Variants in PSMF1 observed in about 807,000 individuals in gnomAD.
The protein encoded by PSMF1 is proteasome inhibitor PI31 subunit.
A neutral mutation model predicts 29.3 loss-of-function variants in PSMF1; 30 were observed. That is an observed-to-expected ratio of 1.02 (90% confidence interval 0.77 to 1.39). The LOEUF (loss-of-function observed/expected upper bound fraction) is 1.39, where lower values mean the gene tolerates loss of function less well. Ranked by LOEUF, PSMF1 falls within the 40% of genes most tolerant of loss-of-function variation. The pLI, the probability that PSMF1 is intolerant of heterozygous loss-of-function variation, is 0.00. For synonymous variants in PSMF1, 134 were observed against 139.7 expected (o/e 0.96, Z 0.29); for missense variants, 344 against 357.5 (o/e 0.96, Z 0.31).
chr20:1,161,025 G>A, intron 4 of PSMF1: 1 of 391,146 alleles, frequency 2.6e-6, no homozygotes, highest in Non-Finnish European at 5.0e-6. Context: ...CGCACCACTG[G>A]CATTGTCATG....
At chr20:1,116,846 C>A (rs1016153420), upstream of PSMF1, among the ~76,000 whole-genome samples, 1 of 151,298 alleles carries the variant, frequency 6.6e-6, no homozygotes, top group Non-Finnish European at 1.5e-5. Flanking sequence ...TCTGGGAAGC[C>A]CTCTGTTGAG....
At position 1,127,450 on chromosome 20, in the gene PSMF1, G is replaced by C. The variant is rs1469226184; in HGVS notation, c.307G>C (p.Asp103His). ...VLEYGSQQVADLTLNLDDYID... is the reference protein window; with the variant it reads ...VLEYGSQQVAHLTLNLDDYID... ...GGAATATGGCTCACAGCAAGTGGCAGACTTGACCCTGAACTTGGATGATTA... is the reference window on the plus strand; with the variant it reads ...GGAATATGGCTCACAGCAAGTGGCACACTTGACCCTGAACTTGGATGATTA... The change falls in exon 3 of 7, where the codon GAC (aspartate) becomes CAC (histidine). Residue 103 changes from aspartate to histidine, a missense_variant. By Grantham distance (81) the Asp-to-His change is moderately conservative. Coordinates refer to ENST00000335877, the MANE Select transcript of PSMF1 (RefSeq NM_006814.5). 8 of 1,608,054 alleles carry C rather than the reference G, an allele frequency of 5.0e-6. No homozygotes were observed. The highest frequency in any genetic ancestry group is 2.2e-5 in the South Asian group (2 of 90,962).
chr20:1,132,702 A>G lies in PSMF1; in HGVS notation c.366-2419A>G, dbSNP rs368934770. 1.1e-3 allele frequency among the ~76,000 whole-genome samples: 174 copies of G among 152,298 alleles called. 1 individual carries two copies. The highest frequency in any genetic ancestry group is 1.5e-3 in the Non-Finnish European group (101 of 68,026). Reference sequence around the variant, plus strand: ...GGGAGAATTGACATTCTTGCTATGAACATGATATATCTTATCTCTCCATTT... The same window carrying G: ...GGGAGAATTGACATTCTTGCTATGAGCATGATATATCTTATCTCTCCATTT... On this transcript the variant is annotated intron_variant, in intron 3 of 6. Transcript: ENST00000335877.
chr20:1,137,164 ACCTGG>A (rs2086317559), intron 4 of PSMF1, among the ~76,000 whole-genome samples: 1 of 152,210 alleles, frequency 6.6e-6, no homozygotes, highest in Non-Finnish European at 1.5e-5. Context: ...GCACTATGGC[ACCTGG>A]AGGCTATGCT....
chr20:1,150,262 A>G lies in PSMF1; in HGVS notation c.552-12868A>G, dbSNP rs76184961. Among the ~76,000 whole-genome samples, 460 of 152,204 alleles carry G rather than the reference A, an allele frequency of 3.0e-3. 1 individual carries two copies. The highest frequency in any genetic ancestry group is 0.011 in the African/African-American group (442 of 41,520). ...AGACATATTCAAAGATTGAAATTTT[A>G]CAAAACTTGACAATCTATACCTCTT... is the stretch of plus-strand genomic sequence containing the variant. On this transcript the variant is annotated intron_variant, in intron 4 of 6. Transcript: ENST00000335877.
chr20:1,149,201 TTCAAATAATTCTA>T (rs1277541131), intron 4 of PSMF1, among the ~76,000 whole-genome samples: 5 of 152,258 alleles, frequency 3.3e-5, no homozygotes, highest in Non-Finnish European at 7.3e-5. Context: ...TAATAACCTT[TTCAAATAATTCTA>T]GATATTCTTT....
chr20:1,160,028 G>T (rs1248002909), intron 4 of PSMF1, among the ~76,000 whole-genome samples: 1 of 152,094 alleles, frequency 6.6e-6, no homozygotes, highest in Non-Finnish European at 1.5e-5. Flanking sequence ...AGATTCCAAA[G>T]CACATCTTTC....
In PSMF1 at chr20:1,142,323, G is replaced by A. The variant is rs1462895554; in HGVS notation, c.551+7017G>A. ...TTAGGGTACACGTGCACAACGTGCA[G>A]GTTAGTTACATATGTATACATGTGC... On this transcript the variant is annotated intron_variant, in intron 4 of 6. Coordinates refer to ENST00000335877, the MANE Select transcript of PSMF1 (RefSeq NM_006814.5). Among the ~76,000 whole-genome samples the A allele has an allele frequency of 2.0e-5, 3 of 152,130 alleles. No individual in the cohort carries two copies. The East Asian group carries it at 5.8e-4, about 29-fold the overall frequency.
chr20:1,162,726 A>G (rs139150453), intron 4 of PSMF1, among the ~76,000 whole-genome samples: 1 of 152,184 alleles, frequency 6.6e-6, no homozygotes, highest in Non-Finnish European at 1.5e-5. Flanking sequence ...GACTCCATAC[A>G]TCTGTCTCCA....
At chr20:1,151,842 T>C (rs1229735076) in intron 4 of PSMF1, among the ~76,000 whole-genome samples, 4 of 152,184 alleles carry the variant, frequency 2.6e-5, no homozygotes, top group Non-Finnish European at 5.9e-5. Context: ...TTGAGGGTAA[T>C]TGACTTTTAT....
rs954461101 is a variant in PSMF1 at position 1,171,123 on chromosome 20, G to C, written c.*6043G>C. Among the ~76,000 whole-genome samples, 1 of 152,150 alleles carries C rather than the reference G, an allele frequency of 6.6e-6. No homozygotes were observed. The highest frequency in any genetic ancestry group is 2.4e-5 in the African/African-American group (1 of 41,438). On this transcript the variant is annotated 3_prime_UTR_variant, in exon 7 of 7. Coordinates refer to ENST00000335877, the MANE Select transcript of PSMF1 (RefSeq NM_006814.5). ...ACGTCAGGACTTGTGTGAGAAAGGA[G>C]TGATGCTTCATAATCCCCAGGATGG...
chr20:1,121,728 G>T (rs1406631620), intron 1 of PSMF1, among the ~76,000 whole-genome samples: 1 of 152,154 alleles, frequency 6.6e-6, no homozygotes, highest in Non-Finnish European at 1.5e-5. Flanking sequence ...CTTTCTCTTA[G>T]GTTTTGCTTC....
intron 3 of PSMF1, among the ~76,000 whole-genome samples, chr20:1,133,571 T>TATATATATATATA (rs1568469077): frequency 6.8e-5 from 3 of 44,106 alleles, no homozygotes; most frequent in African/African-American, 1.6e-4. Context: ...ATATATATAT[T>TATATATATATATA]TTTTTTTTTT....
At position 1,141,228 on chromosome 20, in the gene PSMF1, G is replaced by A. The variant is rs529082043; in HGVS notation, c.551+5922G>A. Among the ~76,000 whole-genome samples, 3 of 152,148 alleles carry A rather than the reference G, an allele frequency of 2.0e-5. No homozygotes were observed. In the South Asian group the frequency reaches 6.2e-4, roughly 32 times the overall value. ...TAATGGGTACCAGGTTTCTTTTTGG[G>A]GTGAAGAAAATGTTCTGAAATTAGA... On this transcript the variant is annotated intron_variant, in intron 4 of 6. Transcript: ENST00000335877.
chr20:1,139,406 AG>A (rs2086351662), intron 4 of PSMF1, among the ~76,000 whole-genome samples: 2 of 152,240 alleles, frequency 1.3e-5, no homozygotes, highest in Admixed American at 1.3e-4. Flanking sequence ...AAGAAAAATA[AG>A]GGGTATCCAG....
rs548932056 is a variant in PSMF1 at position 1,163,068 on chromosome 20, C to T, written c.552-62C>T. 2.8e-5 allele frequency: 44 copies of T among 1,574,832 alleles called. No individual in the cohort carries two copies. In the South Asian group the frequency reaches 4.7e-4, roughly 17 times the overall value. ...CATGCCTGTGAGTGTGTTTGTGATC[C>T]CACATGTATCAGGTGCCTGGCTGCT... On this transcript the variant is annotated intron_variant, in intron 4 of 6. Transcript: ENST00000335877. The surrounding 1 kb of genome is among the most constrained non-coding windows in gnomAD (Gnocchi z 6.1).
In PSMF1 at chr20:1,166,319, C is replaced by A; in HGVS notation, c.*1239C>A. The A allele has an allele frequency of 6.6e-7, 1 of 1,511,958 alleles. No individual in the cohort carries two copies. The highest frequency in any genetic ancestry group is 9.1e-7 in the Non-Finnish European group (1 of 1,093,742). 93.7% of individuals were successfully genotyped at this position (1,511,958 alleles called of 1,614,324 possible). A position where few individuals can be genotyped will look rare whatever the true frequency, so the allele number is the denominator to read the frequency against. ...CAGGCTAAGAGGCACGAGATCAAGG[C>A]GGTAGTCACTTCCGCTCTGCAGCTA... On this transcript the variant is annotated 3_prime_UTR_variant, in exon 7 of 7. Coordinates refer to ENST00000335877, the MANE Select transcript of PSMF1 (RefSeq NM_006814.5).
chr20:1,136,472 A>C (rs1331141218), intron 4 of PSMF1, among the ~76,000 whole-genome samples: 1 of 152,240 alleles, frequency 6.6e-6, no homozygotes, highest in African/African-American at 2.4e-5. Flanking sequence ...GCTTTATTAG[A>C]CCCAATGCCC....
At chr20:1,135,648 C>T (rs1406549864) in intron 4 of PSMF1, among the ~76,000 whole-genome samples, 1 of 152,162 alleles carries the variant, frequency 6.6e-6, no homozygotes, top group Non-Finnish European at 1.5e-5. Flanking sequence ...CATTCCAGAG[C>T]TTTTTGTCTA....
Sources: allele counts gnomAD v4.1 joint callset (sites outside exome capture counted in the v4.1 genomes callset), GRCh38; gene constraint gnomAD v4.1.1; non-coding constraint Gnocchi (gnomAD v3.1); transcripts MANE v1.5; gene names NCBI Gene and HGNC (gene_info 2026-07-23, HGNC 2026-07-21).